The following NIPBL variants were observed in gnomAD, a reference collection of about 807,000 sequenced individuals.
NIPBL encodes NIPBL cohesin loading factor.
NIPBL carries 19 observed loss-of-function variants against 321.8 expected under a neutral mutation model. The ratio of observed to expected loss-of-function variants is 0.06; its 90% CI spans 0.04 to 0.09. NIPBL has a LOEUF of 0.09. NIPBL is among the 10% of genes least tolerant of loss of function. The probability of loss-of-function intolerance (pLI) is 1.00; values close to 1 mark genes in which losing one functional copy is unlikely to be tolerated. For synonymous variants in NIPBL, 1,106 were observed against 1,114.1 expected (o/e 0.99, Z 0.14); for missense variants, 2,210 against 3,327.0 (o/e 0.66, Z 8.26).
At chr5:37,042,256 G>A (rs991365366) in intron 34 of NIPBL, among the ~76,000 whole-genome samples, 2 of 151,254 alleles carry the variant, frequency 1.3e-5, no homozygotes, top group African/African-American at 4.9e-5. Flanking sequence ...CCAGCATGGT[G>A]AAACCCTGTC....
At chr5:37,061,969 A>G (rs1243916463) in intron 45 of NIPBL, among the ~76,000 whole-genome samples, 3 of 152,024 alleles carry the variant, frequency 2.0e-5, no homozygotes, top group Non-Finnish European at 4.4e-5. Context: ...AGCCTCCCGC[A>G]TAGCTGGGAT....
chr5:36,926,164 G>T (rs1749346464), intron 1 of NIPBL, among the ~76,000 whole-genome samples: 1 of 152,044 alleles, frequency 6.6e-6, no homozygotes, highest in African/African-American at 2.4e-5. Context: ...GAACTTCTTT[G>T]TTGCCAGTTT....
At chr5:36,889,395 T>A (rs1746151666) in intron 1 of NIPBL, among the ~76,000 whole-genome samples, 1 of 152,124 alleles carries the variant, frequency 6.6e-6, no homozygotes. Flanking sequence ...GCTAAAATGA[T>A]CTGCATAATC....
intron 32 of NIPBL, among the ~76,000 whole-genome samples, chr5:37,028,025 C>G (rs1209752885): frequency 6.6e-6 from 1 of 151,918 alleles, no homozygotes; most frequent in African/African-American, 2.4e-5. Flanking sequence ...TTAATAGATA[C>G]AAGATTTATA....
At chr5:36,995,576 A>G (rs1463439352) in intron 10 of NIPBL, 46 bp from the exon 11 acceptor site, 1 of 1,427,036 alleles carries the variant, frequency 7.0e-7, no homozygotes, top group Admixed American at 1.8e-5. Flanking sequence ...TTTTCCTTTT[A>G]TCTTCAGATT....
chr5:36,878,995 G>T (rs939508750), intron 1 of NIPBL, among the ~76,000 whole-genome samples: 1 of 141,150 alleles, frequency 7.1e-6, no homozygotes, highest in Non-Finnish European at 1.6e-5. Flanking sequence ...CGAGTGGGGG[G>T]CATGCCAGGG....
Position 37,008,617 on chromosome 5 carries a change from A to G in NIPBL, c.4321-6A>G, listed in dbSNP as rs1747724343. On this transcript the variant is annotated splice_region_variant and splice_polypyrimidine_tract_variant and intron_variant, in intron 19 of 46. Coordinates refer to ENST00000282516, the MANE Select transcript of NIPBL (RefSeq NM_133433.4). ...TTTAACTTGGAATCTTATAATTACTAAACAGGTATTCTCAAGATATGAAAA... is the reference window on the plus strand; with the variant it reads ...TTTAACTTGGAATCTTATAATTACTGAACAGGTATTCTCAAGATATGAAAA... 1 of 1,331,658 alleles carries G rather than the reference A, an allele frequency of 7.5e-7. No homozygotes were observed. The highest frequency in any genetic ancestry group is 1.7e-5 in the Admixed American group (1 of 59,546). The allele number at this position is 1,331,658 out of a possible 1,614,324, so 82.5% of individuals were successfully genotyped here. A position where few individuals can be genotyped will look rare whatever the true frequency, so the allele number is the denominator to read the frequency against.
At chr5:37,042,604 A>G (rs1210502409) in intron 34 of NIPBL, among the ~76,000 whole-genome samples, 5 of 151,938 alleles carry the variant, frequency 3.3e-5, no homozygotes, top group African/African-American at 7.3e-5. Context: ...AGCCTGGCCA[A>G]TATGGTGAAA....
intron 21 of NIPBL, among the ~76,000 whole-genome samples, chr5:37,012,812 CAGA>C (rs940861014): frequency 7.9e-5 from 12 of 152,196 alleles, no homozygotes; most frequent in Non-Finnish European, 1.6e-4. Flanking sequence ...GATCCCAAGG[CAGA>C]AGAATTTTTC....
At chr5:36,980,519 A>G (rs1318214095) in intron 9 of NIPBL, among the ~76,000 whole-genome samples, 1 of 151,576 alleles carries the variant, frequency 6.6e-6, no homozygotes, top group Non-Finnish European at 1.5e-5. Context: ...TATTTACTCT[A>G]CCTTTTTTAT....
intron 42 of NIPBL, 62 bp from the exon 43 acceptor site, chr5:37,057,124 G>T: frequency 1.3e-6 from 2 of 1,585,498 alleles, no homozygotes; most frequent in Non-Finnish European, 1.7e-6. Context: ...TCTAAAAAAG[G>T]TTTTTTGGTT....
chr5:36,955,669 G>A, intron 3 of NIPBL, 32 bp downstream of exon 3: 2 of 1,596,936 alleles, frequency 1.3e-6, no homozygotes, highest in East Asian at 2.2e-5. Context: ...TCTACTATAA[G>A]TGAAAAGTTT....
At chr5:36,976,938 A>T (rs192473286) in intron 9 of NIPBL, among the ~76,000 whole-genome samples, 75 of 152,180 alleles carry the variant, frequency 4.9e-4, no homozygotes, top group African/African-American at 1.8e-3. Context: ...AGCAAACCTT[A>T]GAAATTAAGA....
chr5:37,051,570 A>G (rs1459130177), intron 40 of NIPBL: 2 of 586,144 alleles, frequency 3.4e-6, no homozygotes, highest in East Asian at 2.9e-5. Flanking sequence ...TTATCACGTC[A>G]GTATTTTTGC....
intron 1 of NIPBL, among the ~76,000 whole-genome samples, chr5:36,917,320 C>A (rs1015594053): frequency 6.6e-6 from 1 of 152,162 alleles, no homozygotes; most frequent in Non-Finnish European, 1.5e-5. Flanking sequence ...ATATCCTTCG[C>A]CCCCTTTTTG....
intron 8 of NIPBL, among the ~76,000 whole-genome samples, chr5:36,973,118 T>A (rs1427998439): frequency 6.6e-6 from 1 of 152,128 alleles, no homozygotes; most frequent in Non-Finnish European, 1.5e-5. Context: ...TAATTATCAG[T>A]TTGTTGGAAG....
At chr5:37,000,940 A>AT in intron 13 of NIPBL, 49 bp from the exon 14 acceptor site, 1 of 1,585,958 alleles carries the variant, frequency 6.3e-7, no homozygotes, top group Non-Finnish European at 8.7e-7. Flanking sequence ...TCAGCTTCAC[A>AT]TGTCTACTTG....
At chr5:37,009,911 A>AT (rs1561151563) in intron 20 of NIPBL, among the ~76,000 whole-genome samples, 176 bp from the exon 21 acceptor site, 1 of 152,254 alleles carries the variant, frequency 6.6e-6, no homozygotes, top group African/African-American at 2.4e-5. Flanking sequence ...ATGCATAGGC[A>AT]TTTACTTGAT....
chr5:37,037,629 CT>C (rs74479675), intron 33 of NIPBL, among the ~76,000 whole-genome samples: 3,319 of 135,106 alleles, frequency 0.025, 49 homozygotes, highest in Middle Eastern at 0.056. Flanking sequence ...TTTATGCAGT[CT>C]TTTTTTTTTT....
Sources: gnomAD v4.1 joint callset for allele counts (sites outside exome capture counted in the v4.1 genomes callset) on GRCh38, gnomAD v4.1.1 for gene constraint, MANE v1.5 for transcripts, NCBI Gene and HGNC (gene_info 2026-07-23, HGNC 2026-07-21) for gene names.